PRKAA2: variants seen among roughly 807,000 people sequenced by gnomAD.
PRKAA2 encodes the protein 5'-AMP-activated protein kinase catalytic subunit alpha-2.
In PRKAA2, 40 loss-of-function variants were observed where a neutral mutation model predicts 56.3. That is an observed-to-expected ratio of 0.71 (90% confidence interval 0.55 to 0.92). The LOEUF is 0.92. Ranked by LOEUF, PRKAA2 falls within the 40% of genes least tolerant of loss-of-function variation. PRKAA2 has a pLI of 0.00. For synonymous variants in PRKAA2, 214 were observed against 234.2 expected (o/e 0.91, Z 0.79); for missense variants, 542 against 686.9 (o/e 0.79, Z 2.36).
chr1:56,688,231 G>A (rs1041501160), intron 2 of PRKAA2, among the ~76,000 whole-genome samples: 2 of 151,950 alleles, frequency 1.3e-5, no homozygotes, highest in Non-Finnish European at 2.9e-5. Context: ...GTTAGGGGTG[G>A]GGGACAAAGG....
chr1:56,675,230 A>G (rs1328872381), intron 2 of PRKAA2, among the ~76,000 whole-genome samples: 4 of 152,154 alleles, frequency 2.6e-5, no homozygotes, highest in Non-Finnish European at 4.4e-5. Context: ...GGAAAATGTA[A>G]CGTGCTAGAC....
chr1:56,664,183 A>G (rs1484983002), intron 1 of PRKAA2, among the ~76,000 whole-genome samples: 2 of 152,204 alleles, frequency 1.3e-5, no homozygotes, highest in Non-Finnish European at 2.9e-5. Flanking sequence ...CATTGTTCCC[A>G]TAAACTTTTC....
chr1:56,699,735 A>G (rs1431123426), intron 6 of PRKAA2, among the ~76,000 whole-genome samples: 1 of 152,162 alleles, frequency 6.6e-6, no homozygotes, highest in Non-Finnish European at 1.5e-5. Flanking sequence ...GAAAGAAACT[A>G]TACACACTAA....
chr1:56,696,455 T>G (rs2100428658), intron 6 of PRKAA2, among the ~76,000 whole-genome samples: 1 of 152,326 alleles, frequency 6.6e-6, no homozygotes, highest in East Asian at 1.9e-4. Flanking sequence ...CACACGTGCT[T>G]CCATTTCTGT....
chr1:56,705,602 G>C (rs2100439015), intron 7 of PRKAA2, among the ~76,000 whole-genome samples: 1 of 152,210 alleles, frequency 6.6e-6, no homozygotes, highest in South Asian at 2.1e-4. Flanking sequence ...GTTTCACCAT[G>C]TTGCCCAGGC....
At chr1:56,648,574 G>A (rs1262637931) in intron 1 of PRKAA2, among the ~76,000 whole-genome samples, 2 of 152,200 alleles carry the variant, frequency 1.3e-5, no homozygotes, top group Non-Finnish European at 2.9e-5. Context: ...ATAACTAGAA[G>A]TAGAATTGCT....
intron 1 of PRKAA2, 102 bp downstream of exon 1, chr1:56,645,583 G>A (rs983189742): frequency 1.7e-6 from 2 of 1,146,504 alleles, no homozygotes; most frequent in Non-Finnish European, 2.3e-6. Context: ...GGGGCTCGGC[G>A]GCAGGTGGAG....
At chr1:56,664,357 G>A (rs554048889) in intron 1 of PRKAA2, among the ~76,000 whole-genome samples, 2 of 152,136 alleles carry the variant, frequency 1.3e-5, no homozygotes, top group African/African-American at 4.8e-5. Context: ...GTTCAGACAT[G>A]TAATAGTTTA....
chr1:56,650,807 C>T (rs1031431374), intron 1 of PRKAA2, among the ~76,000 whole-genome samples: 4 of 152,196 alleles, frequency 2.6e-5, no homozygotes, highest in Admixed American at 1.3e-4. Context: ...AGTTACATGA[C>T]TGGCCTACAG....
Position 56,707,717 on chromosome 1 carries a change from G to A in PRKAA2, c.*4G>A, listed in dbSNP as rs752993481. Reference sequence around the variant, plus strand: ...GATTACTACTTTAGCCCGTTGATCTGTCTCTAGTTTCTTTCTGTTATTGCA... The same window carrying A: ...GATTACTACTTTAGCCCGTTGATCTATCTCTAGTTTCTTTCTGTTATTGCA... On this transcript the variant is annotated 3_prime_UTR_variant, in exon 9 of 9. Transcript: ENST00000371244. 2 of 1,570,630 alleles carry A rather than the reference G, an allele frequency of 1.3e-6. No individual in the cohort carries two copies. Among genetic ancestry groups the A allele is most frequent in the African/African-American group, 2.7e-5 (2 of 73,794 alleles).
intron 2 of PRKAA2, among the ~76,000 whole-genome samples, chr1:56,689,611 C>T (rs997958614): frequency 9.2e-5 from 14 of 151,800 alleles, no homozygotes; most frequent in South Asian, 2.1e-4. Flanking sequence ...CCCAGCTACT[C>T]GGGAGGTTGA....
In PRKAA2 at chr1:56,713,924, T is replaced by C. The variant is rs1035766781; in HGVS notation, c.*6211T>C. The C allele has an allele frequency of 5.3e-5, 8 of 151,834 alleles. No homozygotes were observed. Among genetic ancestry groups the C allele is most frequent in the African/African-American group, 1.7e-4 (7 of 41,380 alleles). 9.4% of individuals were successfully genotyped at this position (151,834 alleles called of 1,614,324 possible). A position where few individuals can be genotyped will look rare whatever the true frequency, so the allele number is the denominator to read the frequency against. ...TAAGAAGAGTAATAGTAAAAACTTG[T>C]TTAAACTATATTTTCTTTTTTTCTA... On this transcript the variant is annotated 3_prime_UTR_variant, in exon 9 of 9. Coordinates refer to ENST00000371244, the MANE Select transcript of PRKAA2 (RefSeq NM_006252.4).
chr1:56,651,361 A>G (rs904171485), intron 1 of PRKAA2, among the ~76,000 whole-genome samples: 8 of 151,696 alleles, frequency 5.3e-5, no homozygotes, highest in Non-Finnish European at 1.0e-4. Flanking sequence ...TATGCACTTG[A>G]TTTTTTTTTA....
rs1250797417 is a variant in PRKAA2, at chr1:56,712,123, T to G, written c.*4410T>G. 1 of 152,184 alleles carries G rather than the reference T, an allele frequency of 6.6e-6. No homozygotes were observed. The highest frequency in any genetic ancestry group is 1.9e-4 in the East Asian group (1 of 5,180). 9.4% of individuals were successfully genotyped at this position (152,184 alleles called of 1,614,324 possible). On this transcript the variant is annotated 3_prime_UTR_variant, in exon 9 of 9. Transcript: ENST00000371244. ...TTGTTTACTTACTATTACGATAACTTTGAGAGGTAACCAGAGAAAGCATTT... is the reference window on the plus strand; with the variant it reads ...TTGTTTACTTACTATTACGATAACTGTGAGAGGTAACCAGAGAAAGCATTT...
rs140773048 is a variant in PRKAA2, at chr1:56,712,972, G to A, written c.*5259G>A. ...CATATGCAGATTGATTTTTCATTTT[G>A]TATGTATATTACATGATATAACTAT... On this transcript the variant is annotated 3_prime_UTR_variant, in exon 9 of 9. Transcript: ENST00000371244. 3.7e-3 allele frequency: 568 copies of A among 152,120 alleles called. 1 individual carries two copies. The highest frequency in any genetic ancestry group is 0.013 in the African/African-American group (551 of 41,516). 9.4% of individuals were successfully genotyped at this position (152,120 alleles called of 1,614,324 possible).
At position 56,713,866 on chromosome 1, in the gene PRKAA2, A is replaced by AC. The variant is rs1418879337; in HGVS notation, c.*6153_*6154insC. ...ACTGTTCTAAAAAAAAAAAAAAAAA[A>AC]AAACACTAAATTGTGCCTTCTCCCT... On this transcript the variant is annotated 3_prime_UTR_variant, in exon 9 of 9. Transcript: ENST00000371244. 6.6e-6 allele frequency: 1 copy of AC among 151,594 alleles called. No individual in the cohort carries two copies. Among genetic ancestry groups the AC allele is most frequent in the Non-Finnish European group, 1.5e-5 (1 of 67,884 alleles). The allele number at this position is 151,594 out of a possible 1,614,324, so 9.4% of individuals were successfully genotyped here.
rs1265311558 is a variant in PRKAA2, at chr1:56,708,355, G to T, written c.*642G>T. Reference sequence around the variant, plus strand: ...TTAAAAACAGCTGTAACTAACTCAGGATTTTTATCTTGAGATTTCCCTGAA... The same window carrying T: ...TTAAAAACAGCTGTAACTAACTCAGTATTTTTATCTTGAGATTTCCCTGAA... On this transcript the variant is annotated 3_prime_UTR_variant, in exon 9 of 9. Transcript: ENST00000371244. The T allele has an allele frequency of 6.6e-6, 1 of 152,020 alleles. No individual in the cohort carries two copies. Among genetic ancestry groups the T allele is most frequent in the African/African-American group, 2.4e-5 (1 of 41,376 alleles). The allele number at this position is 152,020 out of a possible 1,614,324, so 9.4% of individuals were successfully genotyped here.
chr1:56,693,126 A>G (rs1644239505), intron 4 of PRKAA2, among the ~76,000 whole-genome samples: 1 of 152,226 alleles, frequency 6.6e-6, no homozygotes, highest in African/African-American at 2.4e-5. Context: ...AGAAAGAGAT[A>G]GAAAGGTACA....
rs1644257256 is a variant in PRKAA2 at position 56,696,080 on chromosome 1, C to T, written c.709C>T (p.Leu237Phe). 3 of 1,613,242 alleles carry T rather than the reference C, an allele frequency of 1.9e-6. No individual in the cohort carries two copies. The highest frequency in any genetic ancestry group is 2.5e-6 in the Non-Finnish European group (3 of 1,179,894). Residue 237 changes from leucine to phenylalanine, a missense_variant, in exon 6 of 9, where the codon CTC (leucine) becomes TTC (phenylalanine). By Grantham distance (22) the Leu-to-Phe change is conservative (BLOSUM62 0). Around this residue, in one of 5 missense-constraint regions of PRKAA2, gnomAD observed 198 missense variants for 234.0 expected, o/e 0.85. Transcript: ENST00000371244. ...RGGVFYIPEY[L>F]NRSVATLLMH... ...GGGTGTCTTTTATATCCCAGAATAT[C>T]TCAATCGTTCTGTCGCCACTCTCCT...
Sources: gnomAD v4.1 joint callset for allele counts (sites outside exome capture counted in the v4.1 genomes callset) on GRCh38, gnomAD v4.1.1 for gene constraint, gnomAD v4.1.1 regional missense constraint, MANE v1.5 for transcripts, NCBI Gene and HGNC (gene_info 2026-07-23, HGNC 2026-07-21) for gene names.